The following MGAT4C variants were observed in gnomAD, a reference collection of about 807,000 sequenced individuals.
MGAT4C encodes the protein MGAT4 family member C.
A neutral mutation model predicts 40.1 loss-of-function variants in MGAT4C; 19 were observed. That is an observed-to-expected ratio of 0.47 (90% CI 0.33 to 0.70). The LOEUF is 0.70. Ranked by LOEUF, MGAT4C falls within the 30% of genes least tolerant of loss-of-function variation. The pLI is 0.02. For synonymous variants in MGAT4C, 181 were observed against 187.1 expected, an observed-to-expected ratio of 0.97 and a Z score of 0.27; for missense variants, 491 against 563.2, an observed-to-expected ratio of 0.87 and a Z score of 1.30.
chr12:86,415,571 C>T (rs1592816537), intron 3 of MGAT4C, among the ~76,000 whole-genome samples: 1 of 151,976 alleles, frequency 6.6e-6, no homozygotes, highest in South Asian at 2.1e-4. Context: ...TTTTCCTATG[C>T]ACAATGGATT....
chr12:86,083,071 G>A (rs1029365362), intron 1 of MGAT4C, among the ~76,000 whole-genome samples: 1 of 151,806 alleles, frequency 6.6e-6, no homozygotes, highest in Non-Finnish European at 1.5e-5. Context: ...GTCCTTTAAT[G>A]GTGTCATTAC....
chr12:86,170,366 T>A (rs1886680940), intron 1 of MGAT4C, among the ~76,000 whole-genome samples: 1 of 152,210 alleles, frequency 6.6e-6, no homozygotes, highest in South Asian at 2.1e-4. Flanking sequence ...GATAGTCTTG[T>A]CAGACTTCCT....
intron 4 of MGAT4C, among the ~76,000 whole-genome samples, chr12:86,291,959 T>C (rs1229897264): frequency 1.3e-5 from 2 of 152,222 alleles, no homozygotes; most frequent in East Asian, 3.9e-4. Context: ...GACTCACAGT[T>C]AAAGCTATGA....
At position 86,308,216 on chromosome 12, in the gene MGAT4C, A is replaced by G. The variant is rs879738454; in HGVS notation, c.-57+25849T>C. Among the ~76,000 whole-genome samples, 25 of 150,592 alleles carry G rather than the reference A, an allele frequency of 1.7e-4. 1 individual carries two copies. The highest frequency in any genetic ancestry group is 3.4e-4 in the Non-Finnish European group (23 of 68,006). ...ACAGGACTTTTGAACATCTTTCCTA[A>G]TGAAATATCTTAAAAAATTTGATGC... On this transcript the variant is annotated intron_variant, in intron 4 of 7. Coordinates refer to the MGAT4C transcript ENST00000548651.
In MGAT4C at chr12:86,581,966, T is replaced by C. The variant is rs117724471; in HGVS notation, c.-229+145243A>G. Among the ~76,000 whole-genome samples, 76 of 151,626 alleles carry C rather than the reference T, an allele frequency of 5.0e-4. No homozygotes were observed. The East Asian group carries it at 0.012, about 24-fold the overall frequency. ...CTTTTATTAATAAGCAAAGATACAGTCCGTGTCTTATAGATTTTCTGGGAT... is the reference window on the plus strand; with the variant it reads ...CTTTTATTAATAAGCAAAGATACAGCCCGTGTCTTATAGATTTTCTGGGAT... On this transcript the variant is annotated intron_variant, in intron 2 of 7. Transcript: ENST00000548651.
At chr12:86,764,032 A>G (rs1951453311) in intron 1 of MGAT4C, among the ~76,000 whole-genome samples, 1 of 152,054 alleles carries the variant, frequency 6.6e-6, no homozygotes, top group Non-Finnish European at 1.5e-5. Flanking sequence ...GGGTGGGTGC[A>G]CCGTGCATGA....
At chr12:86,411,556 G>T (rs1260194656) in intron 3 of MGAT4C, among the ~76,000 whole-genome samples, 3 of 152,114 alleles carry the variant, frequency 2.0e-5, no homozygotes, top group Non-Finnish European at 4.4e-5. Context: ...GATATATCCT[G>T]GCTACTTGTA....
At chr12:86,547,726 T>C (rs918429961) in intron 2 of MGAT4C, among the ~76,000 whole-genome samples, 4 of 152,114 alleles carry the variant, frequency 2.6e-5, no homozygotes, top group African/African-American at 4.8e-5. Context: ...AGTGGTGGAA[T>C]TAAATCATTG....
At chr12:86,572,414 T>G (rs1960401968) in intron 2 of MGAT4C, among the ~76,000 whole-genome samples, 1 of 152,190 alleles carries the variant, frequency 6.6e-6, no homozygotes, top group South Asian at 2.1e-4. Flanking sequence ...AATTCTGCTT[T>G]ACTCCCTTAC....
At position 85,989,269 on chromosome 12, in the gene MGAT4C, T is replaced by C. The variant is rs1033487738; in HGVS notation, c.147+131A>G. ...TGGTTAATACAAAAAATAGACAATATACATGTTATAATTTTGCTCAAACTA... is the reference window on the plus strand; with the variant it reads ...TGGTTAATACAAAAAATAGACAATACACATGTTATAATTTTGCTCAAACTA... On this transcript the variant is annotated intron_variant, in intron 3 of 4. Coordinates refer to ENST00000611864, the MANE Select transcript of MGAT4C (RefSeq NM_001351288.2). The C allele has an allele frequency of 3.6e-5, 25 of 690,058 alleles. No homozygotes were observed. The East Asian group carries it at 6.7e-4, about 18-fold the overall frequency. 42.7% of individuals were successfully genotyped at this position (690,058 alleles called of 1,614,324 possible).
chr12:86,564,000 T>G (rs1446561421), intron 2 of MGAT4C, among the ~76,000 whole-genome samples: 1 of 152,188 alleles, frequency 6.6e-6, no homozygotes, highest in East Asian at 1.9e-4. Flanking sequence ...CCAGTAGAGC[T>G]GCCTCTACCT....
intron 2 of MGAT4C, among the ~76,000 whole-genome samples, chr12:86,020,992 C>T (rs1396627985): frequency 2.0e-5 from 3 of 152,164 alleles, no homozygotes; most frequent in Non-Finnish European, 4.4e-5. Context: ...AAAAAATGCT[C>T]ATCATCACTG....
intron 2 of MGAT4C, among the ~76,000 whole-genome samples, chr12:86,047,081 A>G (rs1017712479): frequency 1.8e-4 from 27 of 152,170 alleles, no homozygotes; most frequent in African/African-American, 6.0e-4. Flanking sequence ...AAAATCGCCA[A>G]AACAAAGCCC....
chr12:86,487,262 G>A (rs1186498289), intron 2 of MGAT4C, among the ~76,000 whole-genome samples: 1 of 152,128 alleles, frequency 6.6e-6, no homozygotes, highest in Non-Finnish European at 1.5e-5. Flanking sequence ...TTTAGATACT[G>A]ATATATAATG....
chr12:86,775,650 G>T (rs1478917025), intron 1 of MGAT4C, among the ~76,000 whole-genome samples: 2 of 150,736 alleles, frequency 1.3e-5, no homozygotes, highest in Non-Finnish European at 3.0e-5. Flanking sequence ...TTTTTGAAGG[G>T]GGTTAAAAAA....
At chr12:86,384,604 T>G (rs572922447) in intron 3 of MGAT4C, among the ~76,000 whole-genome samples, 1 of 152,252 alleles carries the variant, frequency 6.6e-6, no homozygotes, top group Non-Finnish European at 1.5e-5. Flanking sequence ...AAAATATTCA[T>G]TCTTCCGTTG....
At chr12:86,068,318 C>T (rs1325524349) in intron 1 of MGAT4C, 2 of 151,974 alleles carry the variant, frequency 1.3e-5, no homozygotes, top group Admixed American at 6.6e-5. Flanking sequence ...CTATCCTTTC[C>T]CTCTATTAGG....
At chr12:86,569,863 G>T (rs1435679666) in intron 2 of MGAT4C, among the ~76,000 whole-genome samples, 1 of 152,100 alleles carries the variant, frequency 6.6e-6, no homozygotes, top group Non-Finnish European at 1.5e-5. Context: ...TCAGCTTTAA[G>T]AAAGATAGAA....
At chr12:86,092,972 A>T (rs1873155735) in intron 1 of MGAT4C, among the ~76,000 whole-genome samples, 1 of 152,002 alleles carries the variant, frequency 6.6e-6, no homozygotes, top group Non-Finnish European at 1.5e-5. Context: ...GGTCATCTAC[A>T]TTAGGTATTT....
Sources: allele counts gnomAD v4.1 joint callset (sites outside exome capture counted in the v4.1 genomes callset), GRCh38; gene constraint gnomAD v4.1.1; transcripts MANE v1.5; gene names NCBI Gene and HGNC (gene_info 2026-07-23, HGNC 2026-07-21).